NCOA6: variants seen among roughly 807,000 people sequenced by gnomAD.
NCOA6 encodes nuclear receptor coactivator 6.
NCOA6 carries 49 observed loss-of-function variants against 171.4 expected under a neutral mutation model. The ratio of observed to expected loss-of-function variants is 0.29; its 90% CI spans 0.23 to 0.36. The LOEUF (loss-of-function observed/expected upper bound fraction) is 0.36. Ranked by LOEUF, NCOA6 falls within the 10% of genes least tolerant of loss-of-function variation. NCOA6 has a pLI of 1.00. For synonymous variants in NCOA6, 910 were observed against 927.5 expected (o/e 0.98, Z 0.34); for missense variants, 2,248 against 2,554.5 (o/e 0.88, Z 2.59).
chr20:34,715,574 T>C (rs1261577890), intron 14 of NCOA6, among the ~76,000 whole-genome samples: 1 of 152,122 alleles, frequency 6.6e-6, no homozygotes, highest in East Asian at 1.9e-4. Context: ...AGAATTGGAA[T>C]GTGACAGAGG....
rs562853741 is a variant in NCOA6, at chr20:34,732,682, T to G, written c.5963-87A>C. 30 of 1,174,756 alleles carry G rather than the reference T, an allele frequency of 2.6e-5. No homozygotes were observed. In the East Asian group the frequency reaches 5.6e-4, roughly 22 times the overall value. The allele number at this position is 1,174,756 out of a possible 1,614,324, so 72.8% of individuals were successfully genotyped here. ...GTCTACAAGAATTCTCTATGCCCTA[T>G]TTAGGCTAAAGTGTCCCTGTGCCCA... On this transcript the variant is annotated intron_variant, in intron 12 of 14. Transcript: ENST00000359003.
At chr20:34,817,095 C>T (rs2078860265) in intron 1 of NCOA6, among the ~76,000 whole-genome samples, 1 of 143,698 alleles carries the variant, frequency 7.0e-6, no homozygotes, top group African/African-American at 2.7e-5. Flanking sequence ...TGCACTCCAG[C>T]CTGGGCAACA....
chr20:34,817,955 G>C (rs2146727520), intron 1 of NCOA6, among the ~76,000 whole-genome samples: 1 of 152,260 alleles, frequency 6.6e-6, no homozygotes, highest in East Asian at 1.9e-4. Context: ...GAATAGAAAT[G>C]GGTATTCAAA....
At chr20:34,807,618 T>C (rs2425002) in intron 1 of NCOA6, among the ~76,000 whole-genome samples, 83,117 of 151,774 alleles carry the variant, frequency 0.55, 23,220 homozygotes, top group South Asian at 0.69. Context: ...CTCCGCCTCC[T>C]GGGTTCACAC....
intron 5 of NCOA6, among the ~76,000 whole-genome samples, chr20:34,765,429 G>A (rs1315023283): frequency 3.0e-5 from 4 of 133,282 alleles, no homozygotes; most frequent in Non-Finnish European, 6.3e-5. Context: ...GACAGAGCGA[G>A]AGTCCGTCTC....
chr20:34,738,340 A>G (rs919551197), intron 11 of NCOA6, among the ~76,000 whole-genome samples: 1 of 152,212 alleles, frequency 6.6e-6, no homozygotes. Context: ...CAAGGCCCAC[A>G]TATTTCTCTA....
intron 1 of NCOA6, among the ~76,000 whole-genome samples, chr20:34,805,185 C>T (rs143272722): frequency 7.8e-4 from 118 of 151,936 alleles, no homozygotes; most frequent in African/African-American, 2.7e-3. Context: ...TTTTCAGGCG[C>T]GCACTACCAC....
In NCOA6 at chr20:34,754,619, GGA is replaced by G. The variant is rs1474879103; in HGVS notation, c.1675+101_1675+102del. 2.2e-6 allele frequency: 3 copies of G among 1,341,590 alleles called. No homozygotes were observed. In the Admixed American group the frequency reaches 6.3e-5, roughly 28 times the overall value. The allele number at this position is 1,341,590 out of a possible 1,614,324, so 83.1% of individuals were successfully genotyped here. ...ATTATTTATGGGCTTGAAATTAAGGGGAGAGACCAAGACTTATTACTTATCTG... is the reference window on the plus strand; with the variant it reads ...ATTATTTATGGGCTTGAAATTAAGGGGAGACCAAGACTTATTACTTATCTG... On this transcript the variant is annotated intron_variant, in intron 8 of 14. Coordinates refer to ENST00000359003, the MANE Select transcript of NCOA6 (RefSeq NM_014071.5).
chr20:34,746,176 A>G (rs2076295754), intron 10 of NCOA6, among the ~76,000 whole-genome samples: 1 of 152,060 alleles, frequency 6.6e-6, no homozygotes. Context: ...TCATCTCTCC[A>G]TTTAATCTTA....
At chr20:34,761,396 T>G (rs938570652) in intron 5 of NCOA6, among the ~76,000 whole-genome samples, 10 of 152,274 alleles carry the variant, frequency 6.6e-5, no homozygotes, top group African/African-American at 2.4e-4. Flanking sequence ...CTAATTTCCA[T>G]CAGGATTGCT....
At chr20:34,806,142 T>C (rs2078443090) in intron 1 of NCOA6, among the ~76,000 whole-genome samples, 1 of 152,236 alleles carries the variant, frequency 6.6e-6, no homozygotes, top group Non-Finnish European at 1.5e-5. Context: ...ATTGTGGTTT[T>C]GATTTGCATT....
At chr20:34,779,531 T>C (rs948988818) in intron 3 of NCOA6, among the ~76,000 whole-genome samples, 4 of 151,914 alleles carry the variant, frequency 2.6e-5, no homozygotes, top group Admixed American at 2.6e-4. Context: ...AAATAAAAAA[T>C]AAAAAAAGTT....
chr20:34,815,408 C>T (rs1221838875), intron 1 of NCOA6, among the ~76,000 whole-genome samples: 1 of 151,618 alleles, frequency 6.6e-6, no homozygotes, highest in Non-Finnish European at 1.5e-5. Context: ...AATAAAAAGA[C>T]ACAGAAAAAG....
chr20:34,742,343 A>C lies in NCOA6; in HGVS notation c.3913T>G (p.Leu1305Val), dbSNP rs1036461090. ...SNFATPQTHK[L>V]DSVVVNSGKQ... ...CCAGAATTCACTACCACAGAATCTA[A>C]TTTGTGAGTTTGTGGGGTAGCAAAA... is the stretch of plus-strand genomic sequence containing the variant. Residue 1305 changes from leucine to valine, a missense_variant, in exon 11 of 15, where the codon TTA (leucine) becomes GTA (valine). By Grantham distance (32) the Leu-to-Val change is conservative. This residue lies in a region of NCOA6 where 884 missense variants were observed against 941.9 expected (regional missense o/e 0.94). Transcript: ENST00000359003. 6.2e-7 allele frequency: 1 copy of C among 1,614,044 alleles called. No homozygotes were observed. The highest frequency in any genetic ancestry group is 1.3e-5 in the African/African-American group (1 of 74,902).
intron 1 of NCOA6, among the ~76,000 whole-genome samples, chr20:34,804,318 C>CAA (rs1409829655): frequency 1.3e-5 from 2 of 151,904 alleles, no homozygotes; most frequent in East Asian, 1.9e-4. Flanking sequence ...GCCTGGGTGA[C>CAA]AGAGGGAGAC....
At chr20:34,727,552 A>G in intron 13 of NCOA6, 145 bp from the exon 14 acceptor site, 1 of 795,734 alleles carries the variant, frequency 1.3e-6, no homozygotes. Context: ...ACCTGGGGTA[A>G]TAAGCACTAT....
chr20:34,777,443 C>T (rs1698938430), intron 3 of NCOA6, among the ~76,000 whole-genome samples: 1 of 151,906 alleles, frequency 6.6e-6, no homozygotes, highest in Non-Finnish European at 1.5e-5. Context: ...GGCAAAACCC[C>T]GTCTCTACTA....
chr20:34,720,925 C>A (rs1989233424), intron 14 of NCOA6, among the ~76,000 whole-genome samples: 1 of 152,094 alleles, frequency 6.6e-6, no homozygotes, highest in South Asian at 2.1e-4. Context: ...TAATTTGGCT[C>A]CAAGAGCTTT....
chr20:34,778,213 T>A (rs1402551804), intron 3 of NCOA6, among the ~76,000 whole-genome samples: 2 of 151,966 alleles, frequency 1.3e-5, no homozygotes, highest in Non-Finnish European at 2.9e-5. Context: ...CAATGGAATA[T>A]TATTAAGCCT....
Sources: gnomAD v4.1 joint callset for allele counts (sites outside exome capture counted in the v4.1 genomes callset) on GRCh38, gnomAD v4.1.1 for gene constraint, gnomAD v4.1.1 regional missense constraint, MANE v1.5 for transcripts, NCBI Gene and HGNC (gene_info 2026-07-23, HGNC 2026-07-21) for gene names.